OBP2B: variants seen among roughly 807,000 people sequenced by gnomAD.
The protein encoded by OBP2B is odorant binding protein 2B.
A neutral mutation model predicts 21.7 loss-of-function variants in OBP2B; 10 were observed. The ratio of observed to expected loss-of-function variants is 0.46; its 90% CI spans 0.28 to 0.78. OBP2B has a LOEUF of 0.78. Ranked by LOEUF, OBP2B falls within the 30% of genes least tolerant of loss-of-function variation. The probability of loss-of-function intolerance (pLI) is 0.11; values close to 1 mark genes in which losing one functional copy is unlikely to be tolerated. For missense variants in OBP2B, 153 were observed against 217.7 expected, an observed-to-expected ratio of 0.70 and a Z score of 1.87; for synonymous variants, 73 against 91.5, an observed-to-expected ratio of 0.80 and a Z score of 1.16.
chr9:133,218,909 G>A, the OBP2B span, among the ~76,000 whole-genome samples: 2 of 152,214 alleles, frequency 1.3e-5, no homozygotes, highest in African/African-American at 4.8e-5. Context: ...ACCAGTCCAT[G>A]CAGACAGAGG....
the OBP2B span, among the ~76,000 whole-genome samples, chr9:133,222,620 C>T: frequency 1.3e-5 from 2 of 151,980 alleles, no homozygotes; most frequent in Non-Finnish European, 2.9e-5. Context: ...CCCAGCTACT[C>T]GGGAGGCTGA....
chr9:133,214,519 G>A, the OBP2B span, among the ~76,000 whole-genome samples: 3 of 152,214 alleles, frequency 2.0e-5, no homozygotes, highest in Non-Finnish European at 2.9e-5. Flanking sequence ...TGGTTATCAT[G>A]AGTCATTAAT....
intron 4 of OBP2B, 55 bp from the exon 5 acceptor site, chr9:133,206,471 G>A (rs1349260805): frequency 1.6e-5 from 25 of 1,605,254 alleles, no homozygotes; most frequent in Non-Finnish European, 2.1e-5. Context: ...CGGCCCTGCA[G>A]GGAGCAGATG....
chr9:133,210,556 C>G (rs374139244), upstream of OBP2B, among the ~76,000 whole-genome samples: 1 of 152,250 alleles, frequency 6.6e-6, no homozygotes. Flanking sequence ...TCTCTGTTCT[C>G]TGTGTTTGTT....
chr9:133,212,798 G>A (rs1328675481), upstream of OBP2B, among the ~76,000 whole-genome samples: 4 of 151,936 alleles, frequency 2.6e-5, no homozygotes, highest in African/African-American at 9.7e-5. Flanking sequence ...GAGTGTGGTG[G>A]TGCACGCCTG....
the OBP2B span, among the ~76,000 whole-genome samples, chr9:133,221,748 ATAG>A: frequency 0.01 from 1,593 of 152,330 alleles, 24 homozygotes; most frequent in African/African-American, 0.036. Context: ...TCCATATTTA[ATAG>A]TGTGGATTGC....
At chr9:133,220,840 G>A in the OBP2B span, among the ~76,000 whole-genome samples, 1 of 152,230 alleles carries the variant, frequency 6.6e-6, no homozygotes, top group Non-Finnish European at 1.5e-5. Flanking sequence ...AGGCTGGGGA[G>A]CGAGGGAGGG....
chr9:133,212,959 C>CT (rs1564288913), upstream of OBP2B, among the ~76,000 whole-genome samples: 1 of 150,772 alleles, frequency 6.6e-6, no homozygotes, highest in African/African-American at 2.4e-5. Flanking sequence ...GGCACAGTGG[C>CT]TTATGCCTAT....
the OBP2B span, among the ~76,000 whole-genome samples, chr9:133,220,312 C>T: frequency 6.6e-6 from 1 of 152,238 alleles, no homozygotes; most frequent in Non-Finnish European, 1.5e-5. Context: ...CCCAGAGAAG[C>T]CTCTCCAGGC....
chr9:133,205,586 T>G, intron 6 of OBP2B, 175 bp from the exon 7 acceptor site: 1 of 606,894 alleles, frequency 1.6e-6, no homozygotes, highest in Non-Finnish European at 2.9e-6. Flanking sequence ...GCATCCTTGG[T>G]GGGTGGATGG....
the OBP2B span, among the ~76,000 whole-genome samples, chr9:133,218,610 C>T: frequency 2.0e-5 from 3 of 152,154 alleles, no homozygotes; most frequent in Non-Finnish European, 2.9e-5. Flanking sequence ...AGGTGCAAAA[C>T]GCTTGTGTTT....
At position 133,208,615 on chromosome 9, in the gene OBP2B, A is replaced by G. The variant is rs1460538321; in HGVS notation, c.73-13T>C. ...AGGTCCCTGTGATCTGGAGCAGGCC[A>G]AGGCCGTGAGCCCACCATGGGTGGC... On this transcript the variant is annotated splice_polypyrimidine_tract_variant and intron_variant, in intron 1 of 6. Transcript: ENST00000372034. 3.8e-6 allele frequency: 6 copies of G among 1,594,392 alleles called. No homozygotes were observed. The African/African-American group carries it at 6.7e-5, about 18-fold the overall frequency.
chr9:133,213,791 A>G (rs1833943861), upstream of OBP2B, among the ~76,000 whole-genome samples: 1 of 152,220 alleles, frequency 6.6e-6, no homozygotes, highest in Non-Finnish European at 1.5e-5. Flanking sequence ...TAATTTTAAA[A>G]GCTTCCAAAA....
At chr9:133,207,392 A>G (rs1486144321) in intron 3 of OBP2B, 56 bp from the exon 4 acceptor site, 6 of 1,197,974 alleles carry the variant, frequency 5.0e-6, no homozygotes, top group Non-Finnish European at 7.4e-6. Context: ...GGGCCACATG[A>G]AGAAACACTC....
upstream of OBP2B, among the ~76,000 whole-genome samples, chr9:133,209,556 G>GGATA (rs1833866407): frequency 6.6e-6 from 1 of 152,164 alleles, no homozygotes; most frequent in Admixed American, 6.5e-5. This position sits in a 1 kb window ranked among gnomAD's most constrained non-coding sequence, Gnocchi z 6.0. Context: ...CACAGCCTCG[G>GGATA]GATACTCCCT....
At chr9:133,215,783 A>G in the OBP2B span, among the ~76,000 whole-genome samples, 198 of 152,374 alleles carry the variant, frequency 1.3e-3, 1 homozygote, top group African/African-American at 4.6e-3. Context: ...ACCTGCACGC[A>G]TATACCCAGT....
upstream of OBP2B, among the ~76,000 whole-genome samples, chr9:133,209,536 AGGCAG>A (rs1833865687): frequency 1.3e-5 from 2 of 152,188 alleles, no homozygotes; most frequent in Non-Finnish European, 2.9e-5. This position sits in a 1 kb window ranked among gnomAD's most constrained non-coding sequence, Gnocchi z 6.0. Flanking sequence ...CAAGCCACAG[AGGCAG>A]GGCCCACAGC....
the OBP2B span, among the ~76,000 whole-genome samples, chr9:133,219,107 G>A: frequency 3.3e-5 from 5 of 152,206 alleles, no homozygotes; most frequent in African/African-American, 1.2e-4. Flanking sequence ...GGGACCTCAC[G>A]CCACACACAA....
rs375088485 is a variant in OBP2B, at chr9:133,205,858, C to T, written c.*1+59G>A. 184 of 1,613,204 alleles carry T rather than the reference C, an allele frequency of 1.1e-4. 1 individual carries two copies. The African/African-American group carries it at 1.8e-3, about 15-fold the overall frequency. ...GGAGGGGCCAGAGCAGATGTACCCT[C>T]GAACCCCGGGAACCCAGGACTCTGG... On this transcript the variant is annotated intron_variant, in intron 6 of 6. Transcript: ENST00000372034.
Sources: gnomAD v4.1 joint callset for allele counts (sites outside exome capture counted in the v4.1 genomes callset) on GRCh38, gnomAD v4.1.1 for gene constraint, Gnocchi (gnomAD v3.1) non-coding constraint, MANE v1.5 for transcripts, NCBI Gene and HGNC (gene_info 2026-07-23, HGNC 2026-07-21) for gene names.